Variants in ERG observed in about 807,000 individuals in gnomAD.
ERG encodes transcriptional regulator ERG.
ERG carries 9 observed loss-of-function variants against 55.3 expected under a neutral mutation model. That is an observed-to-expected ratio of 0.16 (90% confidence interval 0.10 to 0.28). The LOEUF (loss-of-function observed/expected upper bound fraction) is 0.28. ERG is among the 10% of genes least tolerant of loss of function. ERG has a pLI of 1.00. For missense variants in ERG, 434 were observed against 631.6 expected (o/e 0.69, Z 3.35); for synonymous variants, 223 against 237.3 (o/e 0.94, Z 0.55).
intron 6 of ERG, among the ~76,000 whole-genome samples, chr21:38,398,417 T>C (rs953820327): frequency 2.0e-5 from 3 of 152,206 alleles, no homozygotes; most frequent in African/African-American, 7.2e-5. Context: ...AATATTTGTA[T>C]TGGTTCTCAT....
At chr21:38,584,030 G>A (rs881837) in intron 1 of ERG, among the ~76,000 whole-genome samples, 43,474 of 152,134 alleles carry the variant, frequency 0.29, 6,913 homozygotes, top group Middle Eastern at 0.39. Flanking sequence ...CTCACAGTCA[G>A]GGCATGGCCT....
At chr21:38,575,786 A>C in intron 1 of ERG, 1 of 1,432,630 alleles carries the variant, frequency 7.0e-7, no homozygotes, top group Non-Finnish European at 9.8e-7. Context: ...ATAATAAACA[A>C]CTGCATTTCT....
At chr21:38,437,382 C>T (rs1189638711) in intron 2 of ERG, among the ~76,000 whole-genome samples, 1 of 152,186 alleles carries the variant, frequency 6.6e-6, no homozygotes, top group Non-Finnish European at 1.5e-5. Flanking sequence ...CAGGATGTCC[C>T]CGGCCTCTAC....
chr21:38,437,973 T>G (rs1449499237), intron 2 of ERG, among the ~76,000 whole-genome samples: 1 of 152,170 alleles, frequency 6.6e-6, no homozygotes, highest in Admixed American at 6.5e-5. Flanking sequence ...AAAGTGAAAG[T>G]CAAAGTCCGG....
rs968499152 is a variant in ERG, at chr21:38,443,132, G to A, written c.236+2272C>T. On this transcript the variant is annotated intron_variant, in intron 2 of 9. Transcript: ENST00000288319. ...AGAATGCTTATTTTATTTTAAATTCGGGAGTAACACAGTGAGAACAATAGA... is the reference window on the plus strand; with the variant it reads ...AGAATGCTTATTTTATTTTAAATTCAGGAGTAACACAGTGAGAACAATAGA... Among the ~76,000 whole-genome samples the A allele has an allele frequency of 3.3e-5, 5 of 152,152 alleles. No homozygotes were observed. In the East Asian group the frequency reaches 5.8e-4, roughly 18 times the overall value.
chr21:38,559,132 C>A (rs2059876401), intron 2 of ERG, among the ~76,000 whole-genome samples: 1 of 152,104 alleles, frequency 6.6e-6, no homozygotes, highest in African/African-American at 2.4e-5. Context: ...CTCCATGAAT[C>A]CTAGCTGATG....
intron 1 of ERG, among the ~76,000 whole-genome samples, chr21:38,488,033 C>T (rs1429260779): frequency 6.6e-6 from 1 of 152,054 alleles, no homozygotes. Flanking sequence ...CAATCTCTGC[C>T]CCCCACCTGG....
At chr21:38,430,325 A>C (rs1990146547) in intron 2 of ERG, among the ~76,000 whole-genome samples, 1 of 152,120 alleles carries the variant, frequency 6.6e-6, no homozygotes, top group Admixed American at 6.5e-5. Context: ...CCTTTGTCAA[A>C]TGCATAGTTT....
intron 1 of ERG, among the ~76,000 whole-genome samples, chr21:38,475,504 C>CT (rs1358682334): frequency 1.3e-5 from 2 of 152,176 alleles, no homozygotes; most frequent in African/African-American, 4.8e-5. Context: ...GGATGTGCTG[C>CT]TCTCAGACAC....
At chr21:38,511,976 C>A (rs571068783) in intron 2 of ERG, among the ~76,000 whole-genome samples, 6 of 152,194 alleles carry the variant, frequency 3.9e-5, no homozygotes, top group African/African-American at 7.2e-5. Context: ...CAGAGCAATT[C>A]GGTTTTATCA....
At chr21:38,565,003 CA>C (rs1305627829) in intron 2 of ERG, among the ~76,000 whole-genome samples, 1 of 152,206 alleles carries the variant, frequency 6.6e-6, no homozygotes, top group Non-Finnish European at 1.5e-5. Context: ...AGCCAAACCC[CA>C]CTTTTGACTT....
At chr21:38,463,416 C>T (rs1038637629) in intron 1 of ERG, among the ~76,000 whole-genome samples, 1 of 152,158 alleles carries the variant, frequency 6.6e-6, no homozygotes, top group Non-Finnish European at 1.5e-5. Context: ...TTCGTCAGGG[C>T]TGGGGGAATA....
chr21:38,637,007 G>A (rs192310896), intron 1 of ERG, among the ~76,000 whole-genome samples: 4 of 152,314 alleles, frequency 2.6e-5, no homozygotes, highest in Non-Finnish European at 5.9e-5. Flanking sequence ...CCAAGGAGGG[G>A]AAAGATGTTG....
chr21:38,548,665 C>T (rs1029693751), intron 2 of ERG, among the ~76,000 whole-genome samples: 2 of 143,198 alleles, frequency 1.4e-5, no homozygotes, highest in South Asian at 2.3e-4. Flanking sequence ...CACGTTTGAC[C>T]GTGTTAGCCA....
intron 2 of ERG, among the ~76,000 whole-genome samples, chr21:38,567,755 G>C (rs148201147): frequency 1.3e-5 from 2 of 152,182 alleles, no homozygotes; most frequent in Non-Finnish European, 2.9e-5. Flanking sequence ...TCGCCATAGC[G>C]ATGGGATAAA....
chr21:38,645,052 G>C lies in ERG; in HGVS notation c.-150+16606C>G, dbSNP rs142729606. 1.1e-3 allele frequency among the ~76,000 whole-genome samples: 160 copies of C among 152,302 alleles called. 1 individual carries two copies. Among genetic ancestry groups the C allele is most frequent in the Admixed American group, 5.1e-3 (78 of 15,300 alleles). ...CATGCACTTGTAGTCCCAGCTACTT[G>C]GGAGGCTGATGTGGGAGGATCATTT... On this transcript the variant is annotated intron_variant, in intron 1 of 10. Transcript: ENST00000398910.
At position 38,652,440 on chromosome 21, in the gene ERG, C is replaced by T. The variant is rs539195996; in HGVS notation, c.-150+9218G>A. ...TCAAAGTGGTCTACAAGGATATATG[C>T]AATATGACAAGGTTGTTTAAAATTC... is the stretch of plus-strand genomic sequence containing the variant. On this transcript the variant is annotated intron_variant, in intron 1 of 10. Transcript: ENST00000398910. Among the ~76,000 whole-genome samples, 70 of 152,132 alleles carry T rather than the reference C, an allele frequency of 4.6e-4. 2 individuals carry two copies. In the South Asian group the frequency reaches 0.014, roughly 30 times the overall value.
intron 1 of ERG, among the ~76,000 whole-genome samples, chr21:38,634,454 T>C (rs2060376040): frequency 6.6e-6 from 1 of 152,104 alleles, no homozygotes; most frequent in Non-Finnish European, 1.5e-5. Flanking sequence ...GAGGAGAAAA[T>C]GTGAGCATTA....
intron 1 of ERG, among the ~76,000 whole-genome samples, chr21:38,657,271 T>C (rs2060525124): frequency 6.6e-6 from 1 of 152,362 alleles, no homozygotes; most frequent in Middle Eastern, 3.4e-3. Flanking sequence ...TGAGTCAAGA[T>C]AGCCAAACCC....
Sources: allele counts gnomAD v4.1 joint callset (sites outside exome capture counted in the v4.1 genomes callset), GRCh38; gene constraint gnomAD v4.1.1; transcripts MANE v1.5; gene names NCBI Gene and HGNC (gene_info 2026-07-23, HGNC 2026-07-21).